Variants in DHX9 observed in about 807,000 individuals in gnomAD.
The protein encoded by DHX9 is ATP-dependent RNA helicase A.
Under a neutral mutation model 148.7 loss-of-function variants are expected in DHX9, and 27 were observed. The observed-to-expected ratio is 0.18, with a 90% confidence interval of 0.13 to 0.25. DHX9 has a LOEUF of 0.25. Among genes scored for constraint, DHX9 ranks in the 10% least tolerant of loss-of-function variants. The probability of loss-of-function intolerance (pLI) is 1.00; values close to 1 mark genes in which losing one functional copy is unlikely to be tolerated. For synonymous variants in DHX9, 529 were observed against 516.6 expected, an observed-to-expected ratio of 1.02 and a Z score of -0.33; for missense variants, 796 against 1,559.6, an observed-to-expected ratio of 0.51 and a Z score of 8.25.
chr1:182,841,702 T>C (rs1667933074), intron 1 of DHX9, among the ~76,000 whole-genome samples: 1 of 152,246 alleles, frequency 6.6e-6, no homozygotes, highest in South Asian at 2.1e-4. Flanking sequence ...CACAGCAAAC[T>C]AAATTCATAG....
At chr1:182,868,302 T>G (rs1412340661) in intron 14 of DHX9, among the ~76,000 whole-genome samples, 1 of 152,098 alleles carries the variant, frequency 6.6e-6, no homozygotes, top group African/African-American at 2.4e-5. Context: ...ATATGAAATT[T>G]TAGAAAAAAG....
chr1:182,851,791 G>A (rs148848475), intron 3 of DHX9, among the ~76,000 whole-genome samples: 3 of 152,180 alleles, frequency 2.0e-5, no homozygotes, highest in East Asian at 1.9e-4. Context: ...TATCTATTCC[G>A]TGATCATCTT....
At position 182,867,128 on chromosome 1, in the gene DHX9, C is replaced by T. The variant is rs1259676113; in HGVS notation, c.1557+85C>T. The stretch of plus-strand genomic sequence containing the variant: ...TAGAATGTCTTTGTTTTCCCTTTCC[C>T]CCGTTTTTATCATTATCAAAACCAT... On this transcript the variant is annotated intron_variant, in intron 14 of 27. Transcript: ENST00000367549. The T allele has an allele frequency of 3.6e-6, 3 of 825,978 alleles. No homozygotes were observed. The East Asian group carries it at 8.9e-5, about 24-fold the overall frequency. 51.2% of individuals were successfully genotyped at this position (825,978 alleles called of 1,614,324 possible). A position where few individuals can be genotyped will look rare whatever the true frequency, so the allele number is the denominator to read the frequency against.
At chr1:182,886,974 T>C (rs2102624963) in intron 27 of DHX9, 109 bp from the exon 28 acceptor site, 1 of 994,456 alleles carries the variant, frequency 1.0e-6, no homozygotes, top group East Asian at 2.4e-5. Flanking sequence ...TGCATTTGGC[T>C]TCATTCCCTT....
At chr1:182,885,986 A>T (rs1215991233) in intron 27 of DHX9, among the ~76,000 whole-genome samples, 3 of 152,188 alleles carry the variant, frequency 2.0e-5, no homozygotes, top group Non-Finnish European at 4.4e-5. Context: ...AAAGAAAGGG[A>T]TATATGCAAG....
chr1:182,866,404 TTTGTAG>T (rs547589504), intron 12 of DHX9, 34 bp from the exon 13 acceptor site: 1 of 1,606,306 alleles, frequency 6.2e-7, no homozygotes, highest in Non-Finnish European at 8.5e-7. Context: ...TATATCTAAC[TTTGTAG>T]TTGTTAAGTC....
At chr1:182,879,520 G>A in intron 21 of DHX9, 110 bp downstream of exon 21, 1 of 1,082,632 alleles carries the variant, frequency 9.2e-7, no homozygotes. Flanking sequence ...TAGTCAACAG[G>A]GCTGTGATAA....
intron 8 of DHX9, 135 bp from the exon 9 acceptor site, chr1:182,858,416 A>C: frequency 9.5e-7 from 1 of 1,057,466 alleles, no homozygotes; most frequent in Non-Finnish European, 1.4e-6. Flanking sequence ...GTAAATAATC[A>C]TTGAAGTAAT....
At position 182,852,234 on chromosome 1, in the gene DHX9, T is replaced by A; in HGVS notation, c.254T>A (p.Val85Glu). ...IKSEEVPAFGVASPPPLTDTP... is the reference protein window; with the variant it reads ...IKSEEVPAFGEASPPPLTDTP... ...CTGCCTTGACTTTTTCTTTTGCAGG[T>A]AGCATCTCCGCCCCCACTTACTGAT... The change falls in exon 4 of 28, where the codon GTA (valine) becomes GAA (glutamate). Residue 85 changes from valine (V) to glutamate (E), a missense_variant and splice_region_variant. Around this residue, in one of 14 missense-constraint regions of DHX9, gnomAD observed 89 missense variants for 77.5 expected, o/e 1.15. Coordinates refer to ENST00000367549, the MANE Select transcript of DHX9 (RefSeq NM_001357.5). The A allele has an allele frequency of 1.3e-6, 2 of 1,599,572 alleles. No homozygotes were observed. Among genetic ancestry groups the A allele is most frequent in the Non-Finnish European group, 1.7e-6 (2 of 1,174,518 alleles).
chr1:182,871,707 G>A (rs2102612382), intron 14 of DHX9, among the ~76,000 whole-genome samples: 1 of 152,346 alleles, frequency 6.6e-6, no homozygotes, highest in Middle Eastern at 3.4e-3. Flanking sequence ...GATGAGTATA[G>A]TAATGTGTGG....
chr1:182,848,658 T>C (rs1272102377), intron 3 of DHX9, among the ~76,000 whole-genome samples: 2 of 152,198 alleles, frequency 1.3e-5, no homozygotes, highest in Non-Finnish European at 2.9e-5. Flanking sequence ...CCCACTGTAT[T>C]ATTAGTCCAT....
chr1:182,884,905 TACTTAAGTAAAATTCTAGATATAGATA>T, intron 27 of DHX9, 92 bp downstream of exon 27: 2 of 1,206,370 alleles, frequency 1.7e-6, no homozygotes, highest in Non-Finnish European at 2.4e-6. Context: ...GAAGCCCTAT[TACTTAAGTAAAATTCTAGATATAGATA>T]GAGCTATATA....
In DHX9 at chr1:182,882,796, C is replaced by T. The variant is rs541538616; in HGVS notation, c.2915-343C>T. ...AGGAGAATGGCATGAACCCGGGAGGCAGAGCTTGCAGTGAGCAGAGATGGC... is the reference window on the plus strand; with the variant it reads ...AGGAGAATGGCATGAACCCGGGAGGTAGAGCTTGCAGTGAGCAGAGATGGC... On this transcript the variant is annotated intron_variant, in intron 24 of 27. Transcript: ENST00000367549. 2.0e-5 allele frequency among the ~76,000 whole-genome samples: 3 copies of T among 149,368 alleles called. No individual in the cohort carries two copies. The South Asian group carries it at 6.3e-4, about 31-fold the overall frequency.
chr1:182,879,197 A>G, intron 20 of DHX9, 53 bp from the exon 21 acceptor site: 1 of 1,355,498 alleles, frequency 7.4e-7, no homozygotes. Flanking sequence ...AAAGTTTATT[A>G]ACATCTGTGT....
At chr1:182,875,959 A>G in intron 16 of DHX9, 91 bp from the exon 17 acceptor site, 1 of 940,182 alleles carries the variant, frequency 1.1e-6, no homozygotes, top group Non-Finnish European at 1.6e-6. Flanking sequence ...TAATGACATT[A>G]CAAGTAATTA....
chr1:182,884,923 GATATAGATAGAGCT>G (rs1165173698), intron 27 of DHX9, 110 bp downstream of exon 27: 9 of 934,378 alleles, frequency 9.6e-6, no homozygotes, highest in Middle Eastern at 2.6e-4. Flanking sequence ...TAAAATTCTA[GATATAGATAGAGCT>G]ATATAGATAG....
At chr1:182,843,660 T>G (rs1289149211) in intron 3 of DHX9, among the ~76,000 whole-genome samples, 1 of 152,232 alleles carries the variant, frequency 6.6e-6, no homozygotes, top group Non-Finnish European at 1.5e-5. Flanking sequence ...CCATTAATCT[T>G]TGTGTCTTAT....
At chr1:182,859,145 T>C (rs754538011) in intron 11 of DHX9, 28 bp downstream of exon 11, 3 of 1,593,448 alleles carry the variant, frequency 1.9e-6, no homozygotes, top group Middle Eastern at 1.7e-4. Flanking sequence ...AGACAAGTAG[T>C]GCTCAGAGCT....
chr1:182,884,043 C>T (rs540651983), intron 26 of DHX9, among the ~76,000 whole-genome samples: 1 of 152,204 alleles, frequency 6.6e-6, no homozygotes, highest in South Asian at 2.1e-4. Flanking sequence ...TGGCTGGGTG[C>T]GGCACATCAC....
Sources: gnomAD v4.1 joint callset for allele counts (sites outside exome capture counted in the v4.1 genomes callset) on GRCh38, gnomAD v4.1.1 for gene constraint, gnomAD v4.1.1 regional missense constraint, MANE v1.5 for transcripts, NCBI Gene and HGNC (gene_info 2026-07-23, HGNC 2026-07-21) for gene names.